EDNRB: variants seen among roughly 807,000 people sequenced by gnomAD.
EDNRB encodes the protein Hirschsprung disease 2.
EDNRB carries 18 observed loss-of-function variants against 46.4 expected under a neutral mutation model. The observed-to-expected ratio is 0.39, with a 90% CI of 0.27 to 0.57. The LOEUF is 0.57. Among genes scored for constraint, EDNRB ranks in the 20% least tolerant of loss-of-function variants. The pLI is 0.61. For synonymous variants in EDNRB, 213 were observed against 204.9 expected (o/e 1.04, Z -0.34); for missense variants, 434 against 537.5 (o/e 0.81, Z 1.90).
chr13:77,960,532 A>G (rs1881375202), intron 1 of EDNRB, among the ~76,000 whole-genome samples: 1 of 152,210 alleles, frequency 6.6e-6, no homozygotes. Flanking sequence ...GAGTTCCTGA[A>G]GGAAGCACTG....
chr13:77,932,499 T>A (rs923299695), intron 1 of EDNRB, among the ~76,000 whole-genome samples: 5 of 152,232 alleles, frequency 3.3e-5, no homozygotes, highest in Non-Finnish European at 4.4e-5. Flanking sequence ...GTGAAATAGG[T>A]ATTATTTCTA....
rs182707669 is a variant in EDNRB, at chr13:77,934,386, C to T, written c.-51-15762G>A. Among the ~76,000 whole-genome samples the T allele has an allele frequency of 8.6e-4, 131 of 152,206 alleles. 1 individual carries two copies. The highest frequency in any genetic ancestry group is 5.8e-4 in the East Asian group (3 of 5,180). ...GACTGAGGACCGTAAGGGATATAAACGTTTCACTGGATACTACGAGCCTGA... is the reference window on the plus strand; with the variant it reads ...GACTGAGGACCGTAAGGGATATAAATGTTTCACTGGATACTACGAGCCTGA... On this transcript the variant is annotated intron_variant, in intron 1 of 7. Transcript: ENST00000646948.
chr13:77,915,156 T>TA (rs896733447), intron 1 of EDNRB, among the ~76,000 whole-genome samples: 27 of 152,156 alleles, frequency 1.8e-4, no homozygotes, highest in African/African-American at 5.8e-4. Context: ...CTAAATGCAT[T>TA]AAAAAAACTA....
rs146593211 is a variant in EDNRB at position 77,953,023 on chromosome 13, T to C, written c.-52+22324A>G. ...CCAAATGCATCTCAAGACACTGGAT[T>C]CCAAACTGTGAGAGAAAGAAAGAAC... is the stretch of plus-strand genomic sequence containing the variant. On this transcript the variant is annotated intron_variant, in intron 1 of 7. Transcript: ENST00000646948. Among the ~76,000 whole-genome samples, 14 of 152,310 alleles carry C rather than the reference T, an allele frequency of 9.2e-5. 1 individual carries two copies. The highest frequency in any genetic ancestry group is 7.3e-5 in the Non-Finnish European group (5 of 68,028).
In EDNRB at chr13:77,901,030, G is replaced by C. The variant is rs199580352; in HGVS notation, c.951+28C>G. The C allele has an allele frequency of 1.9e-6, 3 of 1,605,914 alleles. No homozygotes were observed. The East Asian group carries it at 6.7e-5, about 36-fold the overall frequency. On this transcript the variant is annotated intron_variant, in intron 4 of 6. Coordinates refer to ENST00000646607, the MANE Select transcript of EDNRB (RefSeq NM_001122659.3). Reference sequence around the variant, plus strand: ...TATTCATAATTATAAATTCAACCACGAGTTATCAAATATTTGTATTTTCTT... The same window carrying C: ...TATTCATAATTATAAATTCAACCACCAGTTATCAAATATTTGTATTTTCTT...
In EDNRB at chr13:77,931,029, T is replaced by G. The variant is rs1405523575; in HGVS notation, c.-51-12405A>C. Among the ~76,000 whole-genome samples the G allele has an allele frequency of 1.3e-5, 2 of 152,204 alleles. 1 individual carries two copies. Among genetic ancestry groups the G allele is most frequent in the Non-Finnish European group, 2.9e-5 (2 of 68,016 alleles). ...TTGCAAGCCAAAGAGAAACAGGAATTCGGTCTCCAGATGCTGTTTTTGAAA... is the reference window on the plus strand; with the variant it reads ...TTGCAAGCCAAAGAGAAACAGGAATGCGGTCTCCAGATGCTGTTTTTGAAA... On this transcript the variant is annotated intron_variant, in intron 1 of 7. Coordinates refer to the EDNRB transcript ENST00000646948.
chr13:77,898,073 A>C lies in EDNRB; in HGVS notation c.*127T>G. 1 of 1,490,280 alleles carries C rather than the reference A, an allele frequency of 6.7e-7. No individual in the cohort carries two copies. 92.3% of individuals were successfully genotyped at this position (1,490,280 alleles called of 1,614,324 possible). A position where few individuals can be genotyped will look rare whatever the true frequency, so the allele number is the denominator to read the frequency against. The stretch of plus-strand genomic sequence containing the variant: ...TAGCTGTGAGTGTTAAAATAATTAC[A>C]CTTAATATTTTAATAGTGTGCTGTG... On this transcript the variant is annotated 3_prime_UTR_variant, in exon 7 of 7. Coordinates refer to ENST00000646607, the MANE Select transcript of EDNRB (RefSeq NM_001122659.3).
intron 1 of EDNRB, among the ~76,000 whole-genome samples, chr13:77,949,048 A>G (rs1326143225): frequency 2.0e-5 from 3 of 152,256 alleles, no homozygotes; most frequent in African/African-American, 7.2e-5. Context: ...TTTTAAATTG[A>G]TCACTGATTT....
chr13:77,949,268 G>T (rs1171629787), intron 1 of EDNRB, among the ~76,000 whole-genome samples: 2 of 152,058 alleles, frequency 1.3e-5, no homozygotes, highest in Admixed American at 6.6e-5. Context: ...GCATTCATTT[G>T]TGCTGATGCT....
Position 77,953,029 on chromosome 13 carries a change from C to T in EDNRB, c.-52+22318G>A, listed in dbSNP as rs141355486. Among the ~76,000 whole-genome samples, 14 of 152,296 alleles carry T rather than the reference C, an allele frequency of 9.2e-5. 1 individual carries two copies. Among genetic ancestry groups the T allele is most frequent in the Non-Finnish European group, 7.4e-5 (5 of 68,026 alleles). ...GCATCTCAAGACACTGGATTCCAAA[C>T]TGTGAGAGAAAGAAAGAACAACCAT... On this transcript the variant is annotated intron_variant, in intron 1 of 7. Transcript: ENST00000646948.
intron 1 of EDNRB, among the ~76,000 whole-genome samples, chr13:77,928,999 A>G (rs1347248072): frequency 6.6e-6 from 1 of 152,220 alleles, no homozygotes; most frequent in Non-Finnish European, 1.5e-5. Context: ...TTTTCAGTTG[A>G]GAAACTCAGT....
At chr13:77,968,689 C>T (rs912248026) in intron 1 of EDNRB, among the ~76,000 whole-genome samples, 11 of 152,068 alleles carry the variant, frequency 7.2e-5, no homozygotes, top group African/African-American at 2.7e-4. Flanking sequence ...ACAACATGTT[C>T]TTAAATAAGG....
chr13:77,944,592 A>G (rs1383046655), intron 1 of EDNRB, among the ~76,000 whole-genome samples: 1 of 152,204 alleles, frequency 6.6e-6, no homozygotes, highest in Non-Finnish European at 1.5e-5. Context: ...TAGTAAATGC[A>G]TAATAGAGGC....
At chr13:77,901,231 C>G (rs12720195) in intron 3 of EDNRB, 24 bp from the exon 4 acceptor site, 41 of 1,606,256 alleles carry the variant, frequency 2.6e-5, no homozygotes, top group Admixed American at 3.4e-5. Flanking sequence ...AGAATTTTTA[C>G]GATTAATACT....
chr13:77,901,321 C>T (rs1476294055), intron 3 of EDNRB, 114 bp from the exon 4 acceptor site: 1 of 1,132,308 alleles, frequency 8.8e-7, no homozygotes, highest in African/African-American at 1.6e-5. Context: ...AAATTAGATC[C>T]AGTTTGTATA....
At chr13:77,918,896 C>T (rs12720159), upstream of EDNRB, 22 of 1,241,122 alleles carry the variant, frequency 1.8e-5, no homozygotes, top group South Asian at 3.7e-4. This position sits in a 1 kb window ranked among gnomAD's most constrained non-coding sequence, Gnocchi z 4.5. Flanking sequence ...AGGGGTGTGC[C>T]AGGGAGGGAA....
Position 77,896,875 on chromosome 13 carries a change from C to A in EDNRB, c.*1325G>T. 1 of 1,021,566 alleles carries A rather than the reference C, an allele frequency of 9.8e-7. No individual in the cohort carries two copies. Among genetic ancestry groups the A allele is most frequent in the South Asian group, 4.3e-5 (1 of 23,526 alleles). 63.3% of individuals were successfully genotyped at this position (1,021,566 alleles called of 1,614,324 possible). ...AGAAGATATAAAAATTAGGCAGGAA[C>A]GCACAAAGCTAAGAGGTTCTTACGG... On this transcript the variant is annotated 3_prime_UTR_variant, in exon 7 of 7. Transcript: ENST00000646607.
intron 6 of EDNRB, among the ~76,000 whole-genome samples, chr13:77,898,837 C>T (rs989487759): frequency 6.6e-6 from 1 of 151,936 alleles, no homozygotes; most frequent in Non-Finnish European, 1.5e-5. Flanking sequence ...GAAGATTTAA[C>T]CTGCTTTTTC....
intron 1 of EDNRB, among the ~76,000 whole-genome samples, chr13:77,916,102 TC>T (rs1879795501): frequency 6.6e-6 from 1 of 152,196 alleles, no homozygotes; most frequent in African/African-American, 2.4e-5. Context: ...ACACAGCACT[TC>T]AGCTACTGTC....
Sources: allele counts gnomAD v4.1 joint callset (sites outside exome capture counted in the v4.1 genomes callset), GRCh38; gene constraint gnomAD v4.1.1; non-coding constraint Gnocchi (gnomAD v3.1); transcripts MANE v1.5; gene names NCBI Gene and HGNC (gene_info 2026-07-23, HGNC 2026-07-21).